THSD4: variants seen among roughly 807,000 people sequenced by gnomAD.
The protein encoded by THSD4 is thrombospondin type 1 domain containing 4, also known as thrombospondin type-1 domain-containing protein 4.
THSD4 carries 69 observed loss-of-function variants against 119.0 expected under a neutral mutation model. The ratio of observed to expected loss-of-function variants is 0.58; its 90% CI spans 0.48 to 0.71. The LOEUF (loss-of-function observed/expected upper bound fraction) is 0.71. THSD4 is among the 30% of genes least tolerant of loss of function. The pLI, the probability that THSD4 is intolerant of heterozygous loss-of-function variation, is 0.00. For missense variants in THSD4, 1,393 were observed against 1,391.1 expected (o/e 1.00, Z -0.02); for synonymous variants, 524 against 540.4 (o/e 0.97, Z 0.42).
At position 71,421,312 on chromosome 15, in the gene THSD4, GTC is replaced by G. The variant is rs930085830; in HGVS notation, c.1152+9493_1152+9494del. Reference sequence around the variant, plus strand: ...GCTCATTAACATCATTTTCTTTCTAGTCTCTTTCTACTCCCTTTAGTATTTCT... The same window carrying G: ...GCTCATTAACATCATTTTCTTTCTAGTCTTTCTACTCCCTTTAGTATTTCT... On this transcript the variant is annotated intron_variant, in intron 7 of 17. Coordinates refer to ENST00000261862, the MANE Select transcript of THSD4 (RefSeq NM_024817.3). 5.1e-5 allele frequency among the ~76,000 whole-genome samples: 3 copies of G among 58,932 alleles called. 1 individual carries two copies. Among genetic ancestry groups the G allele is most frequent in the African/African-American group, 1.6e-4 (3 of 18,944 alleles). 38.7% of individuals were successfully genotyped at this position (58,932 alleles called of 152,430 possible).
At chr15:71,376,173 T>A (rs1568010) in intron 6 of THSD4, among the ~76,000 whole-genome samples, 2 of 152,094 alleles carry the variant, frequency 1.3e-5, no homozygotes, top group African/African-American at 2.4e-5. Context: ...GGAGGAGTAC[T>A]CACATCCTTT....
upstream of THSD4, chr15:71,110,619 C>T (rs1021952670): frequency 1.3e-5 from 2 of 156,262 alleles, no homozygotes; most frequent in Non-Finnish European, 2.8e-5. Flanking sequence ...CCCAAGGCCT[C>T]CAGGACAGCA....
At chr15:71,174,206 C>T (rs1214070271) in intron 3 of THSD4, among the ~76,000 whole-genome samples, 4 of 152,224 alleles carry the variant, frequency 2.6e-5, no homozygotes, top group East Asian at 1.9e-4. Flanking sequence ...ACGCAGAAGA[C>T]GGGTGATTTC....
At chr15:71,652,428 T>A (rs1353160997) in intron 7 of THSD4, among the ~76,000 whole-genome samples, 1 of 152,214 alleles carries the variant, frequency 6.6e-6, no homozygotes, top group Non-Finnish European at 1.5e-5. Context: ...CTTACTTTTA[T>A]AATAGAGCAA....
rs114617138 is a variant in THSD4, at chr15:71,682,683, G to A, written c.1357+21949G>A. ...CCAATTTTACAAACCAATTTGTTGAGTGGTTCATTTATTTAACATTGGAAT... is the reference window on the plus strand; with the variant it reads ...CCAATTTTACAAACCAATTTGTTGAATGGTTCATTTATTTAACATTGGAAT... On this transcript the variant is annotated intron_variant, in intron 8 of 17. Coordinates refer to ENST00000261862, the MANE Select transcript of THSD4 (RefSeq NM_024817.3). 5.4e-3 allele frequency among the ~76,000 whole-genome samples: 818 copies of A among 151,304 alleles called. 8 individuals carry two copies. Among genetic ancestry groups the A allele is most frequent in the African/African-American group, 0.018 (733 of 41,256 alleles).
chr15:71,670,493 A>G (rs769453289), intron 8 of THSD4, among the ~76,000 whole-genome samples: 1 of 147,896 alleles, frequency 6.8e-6, no homozygotes, highest in East Asian at 2.1e-4. Context: ...TTAGATTTAA[A>G]TTTTACATAT....
chr15:71,554,346 C>T (rs12906115), intron 7 of THSD4, among the ~76,000 whole-genome samples: 94,901 of 151,308 alleles, frequency 0.63, 30,586 homozygotes, highest in African/African-American at 0.78. Flanking sequence ...CTGCCCGCCT[C>T]GGCCTCCCAA....
intron 4 of THSD4, among the ~76,000 whole-genome samples, chr15:71,233,201 T>A (rs1028391176): frequency 1.3e-5 from 2 of 152,206 alleles, no homozygotes; most frequent in African/African-American, 4.8e-5. Context: ...CTCTGGTCTT[T>A]GGGGCTTACA....
At chr15:71,742,332 C>A (rs2053252375) in intron 11 of THSD4, among the ~76,000 whole-genome samples, 1 of 152,222 alleles carries the variant, frequency 6.6e-6, no homozygotes, top group Admixed American at 6.5e-5. Context: ...GATCAGGCCT[C>A]TGTCAAACTC....
chr15:71,375,894 T>C (rs2046129375), intron 6 of THSD4, among the ~76,000 whole-genome samples: 1 of 152,136 alleles, frequency 6.6e-6, no homozygotes, highest in African/African-American at 2.4e-5. Context: ...CTCCAGGTGA[T>C]TATGGTGAAC....
At chr15:71,647,990 T>C (rs925025167) in intron 7 of THSD4, among the ~76,000 whole-genome samples, 2 of 152,080 alleles carry the variant, frequency 1.3e-5, no homozygotes, top group Admixed American at 6.5e-5. Flanking sequence ...TGGCCCTTGG[T>C]CAGTCATCTA....
At chr15:71,242,527 C>A in intron 4 of THSD4, 122 bp from the exon 5 acceptor site, 2 of 1,052,590 alleles carry the variant, frequency 1.9e-6, no homozygotes, top group Non-Finnish European at 2.8e-6. Flanking sequence ...CCCAGTTCTA[C>A]CATAGACCCT....
At chr15:71,664,403 T>A (rs1379528371) in intron 8 of THSD4, among the ~76,000 whole-genome samples, 2 of 152,190 alleles carry the variant, frequency 1.3e-5, no homozygotes, top group Non-Finnish European at 2.9e-5. Context: ...TTTTTTTAAA[T>A]AACTGATTCC....
At chr15:71,529,292 C>G (rs1230380044) in intron 7 of THSD4, among the ~76,000 whole-genome samples, 1 of 143,000 alleles carries the variant, frequency 7.0e-6, no homozygotes, top group South Asian at 2.2e-4. Flanking sequence ...TCTGTTATAG[C>G]AGCTAGCTTT....
rs954532090 is a variant in THSD4 at position 71,461,492 on chromosome 15, T to A, written c.1152+49669T>A. ...CAGAGCTGGGTCAGCACACCCTCGATGGCCCTTCAGCACTTTCAGTCTCCT... is the reference window on the plus strand; with the variant it reads ...CAGAGCTGGGTCAGCACACCCTCGAAGGCCCTTCAGCACTTTCAGTCTCCT... On this transcript the variant is annotated intron_variant, in intron 7 of 17. Coordinates refer to ENST00000261862, the MANE Select transcript of THSD4 (RefSeq NM_024817.3). Among the ~76,000 whole-genome samples, 5 of 152,342 alleles carry A rather than the reference T, an allele frequency of 3.3e-5. No homozygotes were observed. The East Asian group carries it at 9.6e-4, about 29-fold the overall frequency.
chr15:71,246,596 G>A (rs2044203193), intron 5 of THSD4, among the ~76,000 whole-genome samples: 1 of 152,168 alleles, frequency 6.6e-6, no homozygotes, highest in South Asian at 2.1e-4. Context: ...GTCTTCCGAT[G>A]TGCATGTTTA....
At chr15:71,514,386 C>G (rs552523321) in intron 7 of THSD4, among the ~76,000 whole-genome samples, 1 of 152,220 alleles carries the variant, frequency 6.6e-6, no homozygotes, top group Non-Finnish European at 1.5e-5. Flanking sequence ...ACTGGTGGAG[C>G]CTGCCAGTAG....
intron 2 of THSD4, among the ~76,000 whole-genome samples, chr15:71,150,873 A>T (rs1424062303): frequency 6.6e-6 from 1 of 152,220 alleles, no homozygotes; most frequent in Non-Finnish European, 1.5e-5. Flanking sequence ...GGGGTCACCA[A>T]GATGGTGAAG....
intron 1 of THSD4, among the ~76,000 whole-genome samples, chr15:71,135,404 A>G (rs1166820569): frequency 6.6e-6 from 1 of 150,986 alleles, no homozygotes; most frequent in Admixed American, 6.6e-5. Flanking sequence ...AAAAAAAAAA[A>G]AAAAGAAGAA....
Sources: gnomAD v4.1 joint callset for allele counts (sites outside exome capture counted in the v4.1 genomes callset) on GRCh38, gnomAD v4.1.1 for gene constraint, MANE v1.5 for transcripts, NCBI Gene and HGNC (gene_info 2026-07-23, HGNC 2026-07-21) for gene names.